SHANK2: variants seen among roughly 807,000 people sequenced by gnomAD.
SHANK2 encodes SH3 and multiple ankyrin repeat domains 2, also known as SH3 and multiple ankyrin repeat domains protein 2.
In SHANK2, 43 loss-of-function variants were observed where a neutral mutation model predicts 133.7. The ratio of observed to expected loss-of-function variants is 0.32; its 90% confidence interval spans 0.25 to 0.41. The LOEUF is 0.41. Ranked by LOEUF, SHANK2 falls within the 10% of genes least tolerant of loss-of-function variation. SHANK2 has a pLI of 1.00. For missense variants in SHANK2, 1,994 were observed against 2,235.8 expected (o/e 0.89, Z 2.18); for synonymous variants, 1,017 against 952.8 (o/e 1.07, Z -1.24).
chr11:70,749,912 G>A (rs1555037150), intron 14 of SHANK2, among the ~76,000 whole-genome samples: 1 of 152,120 alleles, frequency 6.6e-6, no homozygotes, highest in Admixed American at 6.6e-5. Flanking sequence ...AGAGAACGAG[G>A]CAGAAAAAAG....
chr11:71,189,941 A>G (rs1381615178), intron 2 of SHANK2, among the ~76,000 whole-genome samples: 1 of 152,258 alleles, frequency 6.6e-6, no homozygotes, highest in Non-Finnish European at 1.5e-5. Context: ...AGACGGGCAC[A>G]GTAAGGAAGC....
intron 15 of SHANK2, among the ~76,000 whole-genome samples, chr11:70,666,950 CCT>C (rs782615865): frequency 6.6e-6 from 1 of 152,002 alleles, no homozygotes; most frequent in South Asian, 2.1e-4. Flanking sequence ...CCAAATGTAC[CCT>C]CTTTTGCCAA....
chr11:71,073,142 C>CTTTTTTTTTTTTTTTTTTTTTTTTTTTT (rs1951165821), intron 9 of SHANK2, among the ~76,000 whole-genome samples: 1 of 41,090 alleles, frequency 2.4e-5, no homozygotes, highest in African/African-American at 4.6e-5. Context: ...TTTTCTTTTT[C>CTTTTTTTTTTTTTTTTTTTTTTTTTTTT]TTTTCTTTTT....
intron 11 of SHANK2, among the ~76,000 whole-genome samples, chr11:70,854,141 C>T (rs1396931404): frequency 2.0e-5 from 3 of 152,224 alleles, no homozygotes; most frequent in South Asian, 2.1e-4. Context: ...TTCATATGTA[C>T]ACGCATTTAC....
At chr11:71,076,285 G>C (rs1481301070) in intron 8 of SHANK2, among the ~76,000 whole-genome samples, 1 of 151,746 alleles carries the variant, frequency 6.6e-6, no homozygotes, top group Non-Finnish European at 1.5e-5. Context: ...CCAAGGGCAG[G>C]CAGCCTAGGG....
At chr11:70,785,648 G>GT (rs1555046300) in intron 14 of SHANK2, among the ~76,000 whole-genome samples, 38 of 152,200 alleles carry the variant, frequency 2.5e-4, no homozygotes, top group Non-Finnish European at 4.3e-4. Flanking sequence ...GAGGTCTCTA[G>GT]AGGGTGTTCC....
chr11:70,564,132 T>C (rs2059940088), intron 17 of SHANK2, among the ~76,000 whole-genome samples: 1 of 152,172 alleles, frequency 6.6e-6, no homozygotes, highest in Non-Finnish European at 1.5e-5. Context: ...GGGTGTGTTT[T>C]TGTTTCTTTT....
At chr11:71,229,005 T>G (rs1452315988) in intron 1 of SHANK2, among the ~76,000 whole-genome samples, 2 of 152,144 alleles carry the variant, frequency 1.3e-5, no homozygotes, top group Admixed American at 1.3e-4. Flanking sequence ...ATCATATCAA[T>G]CAATGCAGAA....
At chr11:70,571,136 C>A (rs1391986433) in intron 17 of SHANK2, among the ~76,000 whole-genome samples, 1 of 152,162 alleles carries the variant, frequency 6.6e-6, no homozygotes, top group Non-Finnish European at 1.5e-5. Flanking sequence ...CTCTCCCCCA[C>A]TCCCTGGAGG....
chr11:70,832,752 C>G (rs1555058927), intron 11 of SHANK2, among the ~76,000 whole-genome samples: 1 of 152,162 alleles, frequency 6.6e-6, no homozygotes, highest in Non-Finnish European at 1.5e-5. Context: ...TTGCATGTAC[C>G]CAGTGGAGGC....
At chr11:70,909,535 G>T (rs75533996) in intron 10 of SHANK2, among the ~76,000 whole-genome samples, 1 of 152,182 alleles carries the variant, frequency 6.6e-6, no homozygotes, top group Non-Finnish European at 1.5e-5. Context: ...CATGCCTTGA[G>T]GAAGTAGAGC....
chr11:70,492,818 C>T (rs1457492753), intron 21 of SHANK2, among the ~76,000 whole-genome samples: 1 of 95,104 alleles, frequency 1.1e-5, no homozygotes, highest in Non-Finnish European at 1.9e-5. Flanking sequence ...TTTTTTGAGA[C>T]AGTCTCTTGC....
chr11:70,487,867 C>A lies in SHANK2; in HGVS notation c.2573-147G>T. The A allele has an allele frequency of 6.7e-7, 1 of 1,487,026 alleles. No individual in the cohort carries two copies. Among genetic ancestry groups the A allele is most frequent in the Non-Finnish European group, 9.1e-7 (1 of 1,097,930 alleles). The allele number at this position is 1,487,026 out of a possible 1,614,324, so 92.1% of individuals were successfully genotyped here. A position where few individuals can be genotyped will look rare whatever the true frequency, so the allele number is the denominator to read the frequency against. ...GGAAACACAGCACAAGCCACGATGC[C>A]GAGTGGTTAGTCACATGGCCCGTCG... On this transcript the variant is annotated intron_variant, in intron 24 of 25. Transcript: ENST00000601538. The surrounding 1 kb of genome is among the most constrained non-coding windows in gnomAD (Gnocchi z 5.8).
chr11:70,614,230 G>A (rs2060706513), intron 17 of SHANK2, among the ~76,000 whole-genome samples: 2 of 152,100 alleles, frequency 1.3e-5, no homozygotes, highest in East Asian at 3.9e-4. Context: ...AGGGAGCGCT[G>A]CCCTGCTGAC....
intron 14 of SHANK2, among the ~76,000 whole-genome samples, chr11:70,716,668 C>T (rs1945929994): frequency 6.6e-6 from 1 of 152,174 alleles, no homozygotes; most frequent in Admixed American, 6.5e-5. Flanking sequence ...ATGCTCAGGG[C>T]TCATTCCCTG....
At chr11:70,524,054 C>T (rs541588161) in intron 17 of SHANK2, among the ~76,000 whole-genome samples, 5 of 152,308 alleles carry the variant, frequency 3.3e-5, no homozygotes, top group South Asian at 4.1e-4. Context: ...TGAGCACTGA[C>T]GACATGGCTG....
At chr11:70,772,431 C>T (rs1338832244) in intron 14 of SHANK2, among the ~76,000 whole-genome samples, 3 of 105,024 alleles carry the variant, frequency 2.9e-5, no homozygotes, top group African/African-American at 6.9e-5. Flanking sequence ...TAGAGCAAGA[C>T]TCTGTCTCAA....
intron 10 of SHANK2, among the ~76,000 whole-genome samples, chr11:70,899,069 G>A (rs533231264): frequency 2.6e-5 from 4 of 152,336 alleles, no homozygotes; most frequent in Admixed American, 2.0e-4. Flanking sequence ...GGTTTCAACA[G>A]TTAGATGGTC....
chr11:70,611,263 T>A (rs1032463749), intron 17 of SHANK2, among the ~76,000 whole-genome samples: 4 of 152,198 alleles, frequency 2.6e-5, no homozygotes, highest in Non-Finnish European at 4.4e-5. Flanking sequence ...GGGGAGTTTA[T>A]CAGTGTTGCA....
Sources: gnomAD v4.1 joint callset for allele counts (sites outside exome capture counted in the v4.1 genomes callset) on GRCh38, gnomAD v4.1.1 for gene constraint, Gnocchi (gnomAD v3.1) non-coding constraint, MANE v1.5 for transcripts, NCBI Gene and HGNC (gene_info 2026-07-23, HGNC 2026-07-21) for gene names.